The following NCAM2 variants were observed in gnomAD, a reference collection of about 807,000 sequenced individuals.
The protein encoded by NCAM2 is neural cell adhesion molecule 2.
Under a neutral mutation model 98.1 loss-of-function variants are expected in NCAM2, and 30 were observed. The ratio of observed to expected loss-of-function variants is 0.31; its 90% CI spans 0.23 to 0.41. NCAM2 has a LOEUF of 0.41. Among genes scored for constraint, NCAM2 ranks in the 10% least tolerant of loss-of-function variants. The pLI is 1.00. For synonymous variants in NCAM2, 368 were observed against 342.4 expected, an observed-to-expected ratio of 1.07 and a Z score of -0.83; for missense variants, 867 against 1,005.8, an observed-to-expected ratio of 0.86 and a Z score of 1.87.
At chr21:21,397,754 C>T (rs1437208263) in intron 9 of NCAM2, among the ~76,000 whole-genome samples, 1 of 152,242 alleles carries the variant, frequency 6.6e-6, no homozygotes, top group Non-Finnish European at 1.5e-5. Flanking sequence ...TCTTCCTGTT[C>T]CTGGCCCCTG....
At chr21:21,049,658 G>A (rs1382715390) in intron 1 of NCAM2, among the ~76,000 whole-genome samples, 1 of 151,976 alleles carries the variant, frequency 6.6e-6, no homozygotes, top group Admixed American at 6.6e-5. Context: ...GATTACCTGA[G>A]GTCAGGAGTT....
rs115675069 is a variant in NCAM2, at chr21:21,111,381, G to A, written c.55+112763G>A. 7.9e-3 allele frequency among the ~76,000 whole-genome samples: 1,199 copies of A among 152,258 alleles called. 14 individuals carry two copies. Among genetic ancestry groups the A allele is most frequent in the African/African-American group, 0.026 (1,078 of 41,550 alleles). On this transcript the variant is annotated intron_variant, in intron 1 of 17. Coordinates refer to ENST00000400546, the MANE Select transcript of NCAM2 (RefSeq NM_004540.5). ...ATACTATGGGATTGGTTTTGAGCCC[G>A]GAGGCATGGAAATGGGTTGGCAGAA...
Position 21,539,805 on chromosome 21 carries a change from A to G in NCAM2, c.*1848A>G, listed in dbSNP as rs1411248075. ...TCTAAACAAACAAAGCAGTTAGGTC[A>G]TTTTAACTGACTTGATTATCCAACT... On this transcript the variant is annotated 3_prime_UTR_variant, in exon 18 of 18. Transcript: ENST00000400546. The G allele has an allele frequency of 6.6e-6, 1 of 152,172 alleles. No homozygotes were observed. The highest frequency in any genetic ancestry group is 6.6e-5 in the Admixed American group (1 of 15,260). The allele number at this position is 152,172 out of a possible 1,614,324, so 9.4% of individuals were successfully genotyped here.
At chr21:21,402,243 T>C (rs1404892286) in intron 9 of NCAM2, among the ~76,000 whole-genome samples, 1 of 152,144 alleles carries the variant, frequency 6.6e-6, no homozygotes, top group Non-Finnish European at 1.5e-5. Context: ...AGGAGAGATA[T>C]GGCTAAATTC....
Position 21,328,435 on chromosome 21 carries a change from G to A in NCAM2, c.737+3935G>A, listed in dbSNP as rs184478085. 1.5e-3 allele frequency among the ~76,000 whole-genome samples: 221 copies of A among 152,136 alleles called. 2 individuals carry two copies. The highest frequency in any genetic ancestry group is 2.1e-4 in the South Asian group (1 of 4,818). On this transcript the variant is annotated intron_variant, in intron 6 of 17. Transcript: ENST00000400546. Reference sequence around the variant, plus strand: ...TCTTTAGATAATATTCCAGAAGAAAGGATTGTTATCCTAGGAGATGCCAGC... The same window carrying A: ...TCTTTAGATAATATTCCAGAAGAAAAGATTGTTATCCTAGGAGATGCCAGC...
At chr21:21,085,382 C>T (rs1007016753) in intron 1 of NCAM2, among the ~76,000 whole-genome samples, 1 of 152,070 alleles carries the variant, frequency 6.6e-6, no homozygotes, top group Admixed American at 6.6e-5. Context: ...TGGAACTTTG[C>T]CCTCTGCACA....
At chr21:21,534,823 G>A (rs778729422) in intron 17 of NCAM2, among the ~76,000 whole-genome samples, 167 bp downstream of exon 17, 2 of 152,060 alleles carry the variant, frequency 1.3e-5, no homozygotes, top group Non-Finnish European at 2.9e-5. Context: ...TTTCTAAGGA[G>A]ACATTTTTCA....
intron 1 of NCAM2, among the ~76,000 whole-genome samples, chr21:21,279,849 G>A (rs572599908): frequency 9.1e-4 from 139 of 152,320 alleles, no homozygotes; most frequent in Admixed American, 1.5e-3. Flanking sequence ...ATTTGAGCAC[G>A]TGGAAGGTGA....
rs561150913 is a variant in NCAM2 at position 21,189,748 on chromosome 21, A to G, written c.56-90830A>G. Among the ~76,000 whole-genome samples, 12 of 152,318 alleles carry G rather than the reference A, an allele frequency of 7.9e-5. No homozygotes were observed. In the East Asian group the frequency reaches 9.7e-4, roughly 12 times the overall value. On this transcript the variant is annotated intron_variant, in intron 1 of 17. Transcript: ENST00000400546. The stretch of plus-strand genomic sequence containing the variant: ...TGATGAATTTGTTGGATATGTTTAT[A>G]GAAGGGTCTTTCTGAAATTAATTTC...
rs117978572 is a variant in NCAM2 at position 21,510,831 on chromosome 21, A to T, written c.2282+1776A>T. 8.6e-3 allele frequency among the ~76,000 whole-genome samples: 1,303 copies of T among 152,166 alleles called. 11 individuals are homozygous for T. Among genetic ancestry groups the T allele is most frequent in the Non-Finnish European group, 0.015 (1,010 of 67,938 alleles). The stretch of plus-strand genomic sequence containing the variant: ...AAAGGCTTAGCTATTATCAGTGTAC[A>T]GTTTAATAAATATTCACAAGCTGAG... On this transcript the variant is annotated intron_variant, in intron 16 of 17. Transcript: ENST00000400546.
intron 11 of NCAM2, among the ~76,000 whole-genome samples, chr21:21,422,244 A>T (rs2077125875): frequency 6.6e-6 from 1 of 152,200 alleles, no homozygotes; most frequent in African/African-American, 2.4e-5. Flanking sequence ...TCTCACTTGT[A>T]AGTGGGAGCT....
At chr21:21,248,005 AT>A (rs1443985335) in intron 1 of NCAM2, among the ~76,000 whole-genome samples, 8 of 152,134 alleles carry the variant, frequency 5.3e-5, no homozygotes, top group African/African-American at 1.9e-4. Context: ...AGAGGACAGA[AT>A]GTGAGGGAAG....
intron 14 of NCAM2, among the ~76,000 whole-genome samples, chr21:21,470,893 A>G (rs1984358531): frequency 6.6e-6 from 1 of 152,056 alleles, no homozygotes; most frequent in Non-Finnish European, 1.5e-5. Context: ...CAAATTTTGC[A>G]AAGGGAATGA....
At chr21:21,044,924 G>T (rs1601189265) in intron 1 of NCAM2, among the ~76,000 whole-genome samples, 2 of 152,166 alleles carry the variant, frequency 1.3e-5, no homozygotes, top group East Asian at 3.9e-4. Context: ...ATGCATGTTT[G>T]TATGTATGTG....
intron 1 of NCAM2, among the ~76,000 whole-genome samples, chr21:21,246,819 T>C (rs1445245992): frequency 6.6e-6 from 1 of 152,184 alleles, no homozygotes; most frequent in East Asian, 1.9e-4. Flanking sequence ...TATTTTTCTA[T>C]CTTCTGAAGT....
intron 1 of NCAM2, among the ~76,000 whole-genome samples, chr21:21,019,922 A>T (rs2064394648): frequency 6.6e-6 from 1 of 152,224 alleles, no homozygotes; most frequent in African/African-American, 2.4e-5. Context: ...AGGGCTTCAT[A>T]GATGAGTCAG....
At chr21:21,299,701 CT>C (rs2073638802) in intron 5 of NCAM2, among the ~76,000 whole-genome samples, 1 of 151,670 alleles carries the variant, frequency 6.6e-6, no homozygotes, top group African/African-American at 2.4e-5. Context: ...TATGACCTGC[CT>C]TATTGCAAGA....
intron 1 of NCAM2, among the ~76,000 whole-genome samples, chr21:21,187,814 A>G (rs1205872729): frequency 6.6e-6 from 1 of 152,192 alleles, no homozygotes; most frequent in Non-Finnish European, 1.5e-5. Flanking sequence ...TAACACACCG[A>G]ACTGTCTTGA....
chr21:21,400,010 A>G (rs2076595135), intron 9 of NCAM2, among the ~76,000 whole-genome samples: 1 of 150,112 alleles, frequency 6.7e-6, no homozygotes, highest in Non-Finnish European at 1.5e-5. Context: ...CAGAATAAGA[A>G]AAAAAAGAGG....
Sources: allele counts gnomAD v4.1 joint callset (sites outside exome capture counted in the v4.1 genomes callset), GRCh38; gene constraint gnomAD v4.1.1; transcripts MANE v1.5; gene names NCBI Gene and HGNC (gene_info 2026-07-23, HGNC 2026-07-21).